DEPTOR: variants seen among roughly 807,000 people sequenced by gnomAD.
DEPTOR encodes the protein DEP domain containing MTOR interacting protein.
Under a neutral mutation model 41.6 loss-of-function variants are expected in DEPTOR, and 41 were observed. The ratio of observed to expected loss-of-function variants is 0.98; its 90% CI spans 0.77 to 1.28. The LOEUF (loss-of-function observed/expected upper bound fraction) is 1.28, where lower values mean the gene tolerates loss of function less well. DEPTOR is among the 50% of genes most tolerant of loss of function. The pLI is 0.00. For missense variants in DEPTOR, 514 were observed against 527.9 expected (o/e 0.97, Z 0.26); for synonymous variants, 195 against 192.3 (o/e 1.01, Z -0.12).
intron 4 of DEPTOR, chr8:119,969,921 GT>G (rs1223341845): frequency 6.6e-6 from 1 of 152,188 alleles, no homozygotes; most frequent in Admixed American, 6.5e-5. Flanking sequence ...ATTAAGGAAA[GT>G]CAGCCTTTAG....
At chr8:120,004,526 C>A (rs1812404532) in intron 6 of DEPTOR, among the ~76,000 whole-genome samples, 1 of 152,102 alleles carries the variant, frequency 6.6e-6, no homozygotes. Flanking sequence ...GGTGCCATAA[C>A]CATTTTACAA....
intron 8 of DEPTOR, among the ~76,000 whole-genome samples, chr8:120,020,321 T>G (rs149175144): frequency 6.6e-6 from 1 of 152,290 alleles, no homozygotes; most frequent in East Asian, 1.9e-4. Flanking sequence ...CCTCAAGTGA[T>G]CCACCTGCTT....
At chr8:119,912,630 G>A (rs144893432) in intron 1 of DEPTOR, among the ~76,000 whole-genome samples, 42 of 152,330 alleles carry the variant, frequency 2.8e-4, no homozygotes, top group African/African-American at 8.2e-4. Flanking sequence ...CAGCCTCAGC[G>A]TCTGTCCTGT....
chr8:120,027,234 A>AAATAATAATAATAATAATAAT (rs10529651), intron 8 of DEPTOR, among the ~76,000 whole-genome samples: 8 of 145,100 alleles, frequency 5.5e-5, no homozygotes, highest in Admixed American at 2.1e-4. Context: ...AATAAAAATA[A>AAATAATAATAATAATAATAAT]AATAATAATA....
intron 3 of DEPTOR, among the ~76,000 whole-genome samples, chr8:119,955,289 T>A (rs568693343): frequency 6.6e-6 from 1 of 152,332 alleles, no homozygotes; most frequent in Admixed American, 6.5e-5. Flanking sequence ...AATTTTGAAA[T>A]AGTCCAATTT....
chr8:119,996,759 T>C (rs1451962828), intron 4 of DEPTOR, among the ~76,000 whole-genome samples: 1 of 152,216 alleles, frequency 6.6e-6, no homozygotes, highest in African/African-American at 2.4e-5. Context: ...GAGCCAATAT[T>C]TTATGTAATT....
At chr8:120,001,327 G>T (rs1356873789) in intron 4 of DEPTOR, among the ~76,000 whole-genome samples, 198 bp from the exon 5 acceptor site, 1 of 152,166 alleles carries the variant, frequency 6.6e-6, no homozygotes, top group Non-Finnish European at 1.5e-5. Flanking sequence ...AGAGGAATTG[G>T]TTAGCAAATT....
chr8:119,951,428 A>G (rs897137180), intron 3 of DEPTOR, among the ~76,000 whole-genome samples: 2 of 152,146 alleles, frequency 1.3e-5, no homozygotes, highest in African/African-American at 4.8e-5. Flanking sequence ...TAGGATGGCC[A>G]TGGCCTGAGA....
intron 3 of DEPTOR, among the ~76,000 whole-genome samples, chr8:119,940,431 G>T (rs1024647853): frequency 6.6e-6 from 1 of 152,000 alleles, no homozygotes. Context: ...CACATATAAT[G>T]GAATATTATT....
At chr8:119,934,273 C>T (rs1828082395) in intron 3 of DEPTOR, among the ~76,000 whole-genome samples, 1 of 152,212 alleles carries the variant, frequency 6.6e-6, no homozygotes, top group African/African-American at 2.4e-5. Context: ...TTCAGTAACT[C>T]TGCTGGCTCT....
chr8:119,892,576 T>A (rs886793724), intron 1 of DEPTOR, among the ~76,000 whole-genome samples: 3 of 152,222 alleles, frequency 2.0e-5, no homozygotes, highest in Admixed American at 6.5e-5. Context: ...GACAAGGAAC[T>A]GTGATATGAA....
At chr8:119,993,833 A>C (rs191059965) in intron 4 of DEPTOR, among the ~76,000 whole-genome samples, 1 of 151,554 alleles carries the variant, frequency 6.6e-6, no homozygotes, top group African/African-American at 2.4e-5. Flanking sequence ...TATATTCAGT[A>C]TGGAGTATTG....
rs1240953536 is a variant in DEPTOR, at chr8:119,966,177, A to G, written c.604+767A>G. Among the ~76,000 whole-genome samples the G allele has an allele frequency of 1.3e-5, 2 of 152,154 alleles. 1 individual carries two copies. The highest frequency in any genetic ancestry group is 2.9e-5 in the Non-Finnish European group (2 of 68,034). Reference sequence around the variant, plus strand: ...GTTAACTGTAGGTCATGAGACTCCCATTCCAAGTCCGGCACGGTGGCTCAC... The same window carrying G: ...GTTAACTGTAGGTCATGAGACTCCCGTTCCAAGTCCGGCACGGTGGCTCAC... On this transcript the variant is annotated intron_variant, in intron 4 of 8. Transcript: ENST00000286234.
intron 4 of DEPTOR, among the ~76,000 whole-genome samples, chr8:119,984,853 C>T (rs1021949488): frequency 3.3e-5 from 5 of 152,240 alleles, no homozygotes; most frequent in East Asian, 3.9e-4. Context: ...CACTGTCTTC[C>T]GCAATGATTG....
chr8:119,977,806 C>T (rs192341768), intron 4 of DEPTOR, among the ~76,000 whole-genome samples: 3 of 152,058 alleles, frequency 2.0e-5, no homozygotes, highest in Admixed American at 6.6e-5. Flanking sequence ...TGCACACAGA[C>T]GAGAGGTTTC....
intron 1 of DEPTOR, among the ~76,000 whole-genome samples, chr8:119,889,334 C>G (rs1254478471): frequency 6.6e-6 from 1 of 151,314 alleles, no homozygotes; most frequent in Non-Finnish European, 1.5e-5. Context: ...ATGGCTTGAG[C>G]CTATGAGTTT....
intron 1 of DEPTOR, among the ~76,000 whole-genome samples, chr8:119,912,011 A>G (rs972180395): frequency 6.6e-6 from 1 of 152,262 alleles, no homozygotes; most frequent in Non-Finnish European, 1.5e-5. Flanking sequence ...GTATAATTGA[A>G]GAGAATTAAT....
chr8:119,958,428 C>T (rs1023302376), intron 3 of DEPTOR, among the ~76,000 whole-genome samples: 5 of 152,156 alleles, frequency 3.3e-5, no homozygotes, highest in Admixed American at 2.6e-4. Flanking sequence ...CATAATGTCA[C>T]TTTCATTGCA....
At chr8:119,949,698 GAGAC>G in intron 3 of DEPTOR, among the ~76,000 whole-genome samples, 1 of 151,660 alleles carries the variant, frequency 6.6e-6, no homozygotes, top group Admixed American at 6.6e-5. Context: ...TTTTTATTTT[GAGAC>G]AGAGTCTTAC....
Sources: allele counts gnomAD v4.1 joint callset (sites outside exome capture counted in the v4.1 genomes callset), GRCh38; gene constraint gnomAD v4.1.1; transcripts MANE v1.5; gene names NCBI Gene and HGNC (gene_info 2026-07-23, HGNC 2026-07-21).